The following ITIH4 variants were observed in gnomAD, a reference collection of about 807,000 sequenced individuals.
ITIH4 encodes the protein inter-alpha-trypsin inhibitor heavy chain 4, also known as inter-alpha-trypsin inhibitor heavy chain H4.
Under a neutral mutation model 111.8 loss-of-function variants are expected in ITIH4, and 79 were observed. That is an observed-to-expected ratio of 0.71 (90% confidence interval 0.59 to 0.85). The LOEUF is 0.85. Ranked by LOEUF, ITIH4 falls within the 40% of genes least tolerant of loss-of-function variation. The probability of loss-of-function intolerance (pLI) is 0.00; values close to 1 mark genes in which losing one functional copy is unlikely to be tolerated. For missense variants in ITIH4, 1,065 were observed against 1,195.8 expected (o/e 0.89, Z 1.61); for synonymous variants, 472 against 468.3 (o/e 1.01, Z -0.10).
At chr3:52,823,508 G>C (rs1700428130) in intron 11 of ITIH4, 48 bp downstream of exon 11, 1 of 1,488,994 alleles carries the variant, frequency 6.7e-7, no homozygotes. Flanking sequence ...TCTGGCTGCA[G>C]AGGTGGAGGC....
rs915093400 is a variant in ITIH4 at position 52,813,168 on chromosome 3, T to C, written c.*253A>G. 43 of 485,406 alleles carry C rather than the reference T, an allele frequency of 8.9e-5. No homozygotes were observed. Among genetic ancestry groups the C allele is most frequent in the African/African-American group, 7.9e-4 (40 of 50,896 alleles). The allele number at this position is 485,406 out of a possible 1,614,324, so 30.1% of individuals were successfully genotyped here. ...ACTGAAAGCTCAGCATGGGCCTTCC[T>C]GGCCATGGGCTCTTGAGAGCTGACA... On this transcript the variant is annotated 3_prime_UTR_variant, in exon 24 of 24. Transcript: ENST00000266041.
chr3:52,826,145 T>TA, intron 5 of ITIH4, 131 bp from the exon 6 acceptor site: 1 of 1,286,556 alleles, frequency 7.8e-7, no homozygotes. Flanking sequence ...CAGGGCACTT[T>TA]CTTTCAGGCT....
chr3:52,824,922 C>T lies in ITIH4; in HGVS notation c.796G>A (p.Glu266Lys), dbSNP rs202194547. ...TTCTTGGGCATTGTGGTTAGGCCCT[C>T]GGGGGCAAAGTAGTGTACAAAGTAG... is the stretch of plus-strand genomic sequence containing the variant. ...NGYFVHYFAP[E>K]GLTTMPKNVV... Residue 266 changes from glutamate to lysine, a missense_variant, in exon 7 of 24, where the codon GAG (glutamate) becomes AAG (lysine). Transcript: ENST00000266041. The surrounding 1 kb of genome is among the most constrained non-coding windows in gnomAD (Gnocchi z 4.3). 466 of 1,613,756 alleles carry T rather than the reference C, an allele frequency of 2.9e-4. No individual in the cohort carries two copies. The highest frequency in any genetic ancestry group is 3.7e-4 in the Non-Finnish European group (442 of 1,179,906).
chr3:52,824,024 A>G lies in ITIH4; in HGVS notation c.1172-20T>C, dbSNP rs564819779. ...TCTCCCCTGGACCCAGGGGTTTGGGATGAGGGTGAGAAAATAGTGATTTGC... is the reference window on the plus strand; with the variant it reads ...TCTCCCCTGGACCCAGGGGTTTGGGGTGAGGGTGAGAAAATAGTGATTTGC... On this transcript the variant is annotated intron_variant, in intron 9 of 23. Transcript: ENST00000266041. The surrounding 1 kb of genome is among the most constrained non-coding windows in gnomAD (Gnocchi z 4.3). 3 of 1,545,010 alleles carry G rather than the reference A, an allele frequency of 1.9e-6. No individual in the cohort carries two copies. The South Asian group carries it at 3.8e-5, about 20-fold the overall frequency.
intron 13 of ITIH4, 59 bp from the exon 14 acceptor site, chr3:52,820,376 C>T: frequency 6.4e-7 from 1 of 1,573,898 alleles, no homozygotes; most frequent in Non-Finnish European, 8.7e-7. Context: ...CAGACACCGT[C>T]AGGGTGGTTT....
At chr3:52,813,863 G>A (rs1700230543) in intron 23 of ITIH4, 112 bp downstream of exon 23, 2 of 820,872 alleles carry the variant, frequency 2.4e-6, no homozygotes, top group East Asian at 2.7e-5. Flanking sequence ...CCACCGGACT[G>A]TGTCTAGTTC....
chr3:52,828,673 T>C (rs1480963982), intron 2 of ITIH4, among the ~76,000 whole-genome samples: 1 of 152,068 alleles, frequency 6.6e-6, no homozygotes, highest in Non-Finnish European at 1.5e-5. Context: ...AGCAAAAATG[T>C]CCTCTGCAGG....
Position 52,819,377 on chromosome 3 carries a change from C to T in ITIH4, c.2077+16G>A. 6.2e-7 allele frequency: 1 copy of T among 1,613,760 alleles called. No individual in the cohort carries two copies. Among genetic ancestry groups the T allele is most frequent in the Non-Finnish European group, 8.5e-7 (1 of 1,179,740 alleles). On this transcript the variant is annotated intron_variant, in intron 17 of 23. Transcript: ENST00000266041. ...GTGGGAAACCGAGGCCCTCGCAGGG[C>T]CGGAAGGCAGCTTACAGATGGCCAG...
chr3:52,827,210 G>T lies in ITIH4; in HGVS notation c.252-13C>A, dbSNP rs747737620. 10 of 1,606,278 alleles carry T rather than the reference G, an allele frequency of 6.2e-6. No homozygotes were observed. Among genetic ancestry groups the T allele is most frequent in the Non-Finnish European group, 8.5e-6 (10 of 1,172,940 alleles). ...GCCATCGATGATCCTGGGGGCAGAAGGGTGGGAGTTGTTGAGAGCCTGGTG... is the reference window on the plus strand; with the variant it reads ...GCCATCGATGATCCTGGGGGCAGAATGGTGGGAGTTGTTGAGAGCCTGGTG... On this transcript the variant is annotated splice_polypyrimidine_tract_variant and intron_variant, in intron 2 of 23. Transcript: ENST00000266041.
rs762247958 is a variant in ITIH4 at position 52,814,379 on chromosome 3, G to C, written c.2472-16C>G. The C allele has an allele frequency of 1.2e-6, 2 of 1,613,126 alleles. No individual in the cohort carries two copies. Among genetic ancestry groups the C allele is most frequent in the Admixed American group, 1.7e-5 (1 of 60,022 alleles). ...CATCTTCAGGCTGTGGAAAGACCCA[G>C]TGTCTTGAGCAGGAAGGTAGAGACG... On this transcript the variant is annotated splice_polypyrimidine_tract_variant and intron_variant, in intron 21 of 23. Transcript: ENST00000266041.
At position 52,818,110 on chromosome 3, in the gene ITIH4, G is replaced by C. The variant is rs894066184; in HGVS notation, c.2238C>G (p.Leu746=). 1 of 1,613,776 alleles carries C rather than the reference G, an allele frequency of 6.2e-7. No individual in the cohort carries two copies. Among genetic ancestry groups the C allele is most frequent in the African/African-American group, 1.3e-5 (1 of 74,926 alleles). The change falls in exon 20 of 24, where the codon CTC becomes CTG. Residue 746 remains leucine (L), a synonymous_variant. Transcript: ENST00000266041. ...CCTGGCGGTGTCTGGGGTCCACACA[G>C]AGCCGCTCCACACTCTGCCCAGGCA... ...LPLPGQSVER[L]CVDPRHRQGP...
At chr3:52,815,959 T>G (rs1700273020) in intron 21 of ITIH4, among the ~76,000 whole-genome samples, 1 of 152,250 alleles carries the variant, frequency 6.6e-6, no homozygotes, top group Non-Finnish European at 1.5e-5. Context: ...GTGCTGGGAT[T>G]ACAGGCGTGA....
intron 13 of ITIH4, 103 bp downstream of exon 13, chr3:52,820,528 G>T: frequency 7.2e-7 from 1 of 1,397,160 alleles, no homozygotes; most frequent in Non-Finnish European, 9.8e-7. Flanking sequence ...GGAGTCTGTT[G>T]GGGGCACGGT....
chr3:52,812,976 T>C lies in ITIH4; in HGVS notation c.*445A>G. On this transcript the variant is annotated 3_prime_UTR_variant, in exon 24 of 24. Transcript: ENST00000266041. ...TTCCAACCCAGTTCACTCTATTTTT[T>C]TTTTTTTTTTTTTTGTAGTCAAAAC... 7.6e-6 allele frequency: 1 copy of C among 130,996 alleles called. No individual in the cohort carries two copies. Among genetic ancestry groups the C allele is most frequent in the Admixed American group, 8.0e-5 (1 of 12,552 alleles). 8.1% of individuals were successfully genotyped at this position (130,996 alleles called of 1,614,324 possible).
intron 6 of ITIH4, chr3:52,825,283 T>C (rs1364624057): frequency 1.1e-5 from 2 of 180,150 alleles, no homozygotes; most frequent in Admixed American, 6.1e-5. Context: ...TTCAAAAACA[T>C]GGAGTAAAAG....
rs771095034 is a variant in ITIH4, at chr3:52,825,926, C to T, written c.719G>A (p.Arg240His). The T allele has an allele frequency of 1.4e-5, 23 of 1,614,076 alleles. 1 individual carries two copies. Among genetic ancestry groups the T allele is most frequent in the South Asian group, 9.9e-5 (9 of 91,072 alleles). The change falls in exon 6 of 24, where the codon CGC becomes CAC. Residue 240 changes from arginine (R) to histidine (H), a missense_variant. By Grantham distance (29) the Arg-to-His change is conservative. Coordinates refer to ENST00000266041, the MANE Select transcript of ITIH4 (RefSeq NM_002218.5). The stretch of plus-strand genomic sequence containing the variant: ...GGAGATGGCCCGGTCCACATCATAG[C>T]GGATAATGAGGTTGCCGTCCAGGAC... ...ETVLDGNLII[R>H]YDVDRAISGG...
chr3:52,815,389 G>A (rs573015700), intron 21 of ITIH4, among the ~76,000 whole-genome samples: 34 of 151,624 alleles, frequency 2.2e-4, no homozygotes, highest in Middle Eastern at 3.4e-3. Context: ...GATTACAGGC[G>A]TGCCACCACA....
At chr3:52,819,728 C>T in intron 16 of ITIH4, 26 bp downstream of exon 16, 6 of 1,611,748 alleles carry the variant, frequency 3.7e-6, no homozygotes, top group Non-Finnish European at 5.1e-6. Flanking sequence ...TGTCATGCCT[C>T]CCCCTGGCAG....
Position 52,821,167 on chromosome 3 carries a change from G to A in ITIH4, c.1540-37C>T. ...GGCCCAGCCAGGGCAGGAGCAGTGA[G>A]GGCCGGACATCTGCATCTGCCTGGC... On this transcript the variant is annotated intron_variant, in intron 11 of 23. Transcript: ENST00000266041. 1.9e-6 allele frequency: 3 copies of A among 1,598,296 alleles called. No individual in the cohort carries two copies. In the African/African-American group the frequency reaches 4.0e-5, roughly 21 times the overall value.
Sources: gnomAD v4.1 joint callset for allele counts (sites outside exome capture counted in the v4.1 genomes callset) on GRCh38, gnomAD v4.1.1 for gene constraint, Gnocchi (gnomAD v3.1) non-coding constraint, MANE v1.5 for transcripts, NCBI Gene and HGNC (gene_info 2026-07-23, HGNC 2026-07-21) for gene names.